EVC2: variants seen among roughly 807,000 people sequenced by gnomAD.
The protein encoded by EVC2 is limbin.
EVC2 carries 148 observed loss-of-function variants against 149.3 expected under a neutral mutation model. The observed-to-expected ratio is 0.99, with a 90% CI of 0.87 to 1.14. EVC2 has a LOEUF of 1.14. EVC2 is among the 50% of genes most tolerant of loss of function. The pLI is 0.00. For missense variants in EVC2, 1,854 were observed against 1,627.3 expected (o/e 1.14, Z -2.40); for synonymous variants, 776 against 649.9 (o/e 1.19, Z -2.95).
intron 5 of EVC2, among the ~76,000 whole-genome samples, chr4:5,685,873 C>A (rs939945559): frequency 6.6e-6 from 1 of 152,144 alleles, no homozygotes; most frequent in Non-Finnish European, 1.5e-5. Flanking sequence ...GGACTGGAGG[C>A]CTTCGCCTGA....
intron 16 of EVC2, among the ~76,000 whole-genome samples, chr4:5,599,285 G>A (rs954578080): frequency 1.2e-4 from 18 of 151,622 alleles, no homozygotes; most frequent in Non-Finnish European, 1.6e-4. Flanking sequence ...TGTTGATTGT[G>A]GCACTATTCA....
chr4:5,708,230 T>C, intron 1 of EVC2, 56 bp downstream of exon 1: 7 of 1,396,266 alleles, frequency 5.0e-6, no homozygotes, highest in Middle Eastern at 1.8e-4. Flanking sequence ...ACCGCCGGTG[T>C]AGACAAAGTC....
At chr4:5,631,077 A>G (rs921417074) in intron 11 of EVC2, among the ~76,000 whole-genome samples, 2 of 152,142 alleles carry the variant, frequency 1.3e-5, no homozygotes, top group Admixed American at 6.5e-5. Context: ...TTTCAGATAG[A>G]CTGTTTTCAC....
chr4:5,681,987 T>C (rs114031227), intron 6 of EVC2, among the ~76,000 whole-genome samples: 1,604 of 152,264 alleles, frequency 0.011, 26 homozygotes, highest in African/African-American at 0.035. Context: ...TCACCAGCAG[T>C]TGGACCTTGG....
chr4:5,618,515 A>G lies in EVC2; in HGVS notation c.2669T>C (p.Val890Ala). 6.2e-7 allele frequency: 1 copy of G among 1,613,798 alleles called. No individual in the cohort carries two copies. The highest frequency in any genetic ancestry group is 8.5e-7 in the Non-Finnish European group (1 of 1,180,026). The change falls in exon 15 of 22, where the codon GTG becomes GCG. Residue 890 changes from valine (V) to alanine (A), a missense_variant. Transcript: ENST00000344408. This position sits in a 1 kb window ranked among gnomAD's most constrained non-coding sequence, Gnocchi z 4.4. ...FQTAWREAEF[V>A]KLDQAVAAPE... ...GGCAGCCACGGCCTGGTCCAGCTTC[A>G]CGAACTCTGCTTCTCGCCACGCAGT... is the stretch of plus-strand genomic sequence containing the variant.
At chr4:5,650,638 T>G (rs5855865) in intron 9 of EVC2, among the ~76,000 whole-genome samples, 8,919 of 43,976 alleles carry the variant, frequency 0.2, 1,245 homozygotes, top group African/African-American at 0.36. Flanking sequence ...TATATATATA[T>G]AGAGAGAGAG....
chr4:5,629,894 T>C (rs1175248508), intron 11 of EVC2, among the ~76,000 whole-genome samples: 1 of 152,240 alleles, frequency 6.6e-6, no homozygotes, highest in Admixed American at 6.5e-5. Context: ...CTCATAGCTC[T>C]GGTCAAGAAA....
intron 16 of EVC2, among the ~76,000 whole-genome samples, chr4:5,603,833 T>C (rs1019322182): frequency 2.6e-5 from 4 of 152,244 alleles, no homozygotes; most frequent in Admixed American, 1.3e-4. Context: ...TTTTCATTTA[T>C]AATTAAGTGT....
chr4:5,676,372 C>T (rs1257838530), intron 7 of EVC2, among the ~76,000 whole-genome samples: 1 of 152,218 alleles, frequency 6.6e-6, no homozygotes, highest in Non-Finnish European at 1.5e-5. Flanking sequence ...TCTATTTACA[C>T]AATGGAAGCC....
intron 1 of EVC2, among the ~76,000 whole-genome samples, chr4:5,701,404 G>T (rs937513445): frequency 6.6e-6 from 1 of 152,204 alleles, no homozygotes; most frequent in South Asian, 2.1e-4. Context: ...GCATCTTGGG[G>T]AGCCATTATT....
chr4:5,597,380 G>A lies in EVC2; in HGVS notation c.2830-12530C>T, dbSNP rs553770733. Among the ~76,000 whole-genome samples the A allele has an allele frequency of 2.6e-5, 4 of 152,202 alleles. No individual in the cohort carries two copies. In the East Asian group the frequency reaches 7.7e-4, roughly 29 times the overall value. ...AAAGCTTATCCACCATGATCAAGTG[G>A]GCTTCATCCCTGGGATGGAAGGCTG... On this transcript the variant is annotated intron_variant, in intron 16 of 21. Transcript: ENST00000344408.
At chr4:5,709,349 G>T (rs1469451491), upstream of EVC2, 1 of 152,288 alleles carries the variant, frequency 6.6e-6, no homozygotes. Flanking sequence ...CTGGGTGACA[G>T]CTGACACCTG....
At chr4:5,682,736 G>T (rs1438288501) in intron 6 of EVC2, among the ~76,000 whole-genome samples, 2 of 151,466 alleles carry the variant, frequency 1.3e-5, no homozygotes, top group African/African-American at 4.9e-5. Context: ...GTGGGTGCCT[G>T]TAATTCCAGC....
intron 7 of EVC2, among the ~76,000 whole-genome samples, 195 bp downstream of exon 7, chr4:5,681,065 G>GA (rs1720304316): frequency 6.6e-6 from 1 of 152,192 alleles, no homozygotes; most frequent in Non-Finnish European, 1.5e-5. Context: ...TCCAGGTGGA[G>GA]GGTCATCCAG....
intron 16 of EVC2, among the ~76,000 whole-genome samples, chr4:5,601,037 A>G (rs140768353): frequency 1.3e-5 from 2 of 152,316 alleles, no homozygotes; most frequent in East Asian, 3.9e-4. Flanking sequence ...CATCTAGACA[A>G]AAGACTTGGA....
intron 1 of EVC2, among the ~76,000 whole-genome samples, chr4:5,698,951 A>G (rs569848980): frequency 5.9e-5 from 9 of 152,322 alleles, no homozygotes; most frequent in African/African-American, 2.2e-4. Flanking sequence ...CACGGAAACC[A>G]TAAGGTGGGA....
intron 12 of EVC2, among the ~76,000 whole-genome samples, chr4:5,627,730 A>G (rs1337441818): frequency 6.6e-6 from 1 of 152,196 alleles, no homozygotes; most frequent in Non-Finnish European, 1.5e-5. Context: ...CATACACTTG[A>G]CCACAGGATC....
intron 1 of EVC2, among the ~76,000 whole-genome samples, chr4:5,706,528 G>A (rs1722210786): frequency 6.6e-6 from 1 of 151,258 alleles, no homozygotes; most frequent in African/African-American, 2.4e-5. Context: ...TTACATGAAG[G>A]CATCATATAA....
At chr4:5,706,895 C>T (rs1275963339) in intron 1 of EVC2, among the ~76,000 whole-genome samples, 1 of 152,160 alleles carries the variant, frequency 6.6e-6, no homozygotes, top group Admixed American at 6.5e-5. Context: ...GGGTGAGGTA[C>T]TCTACACCCA....
Sources: gnomAD v4.1 joint callset for allele counts (sites outside exome capture counted in the v4.1 genomes callset) on GRCh38, gnomAD v4.1.1 for gene constraint, Gnocchi (gnomAD v3.1) non-coding constraint, MANE v1.5 for transcripts, NCBI Gene and HGNC (gene_info 2026-07-23, HGNC 2026-07-21) for gene names.